Variants in FGF12 observed in about 807,000 individuals in gnomAD.
FGF12 encodes the protein fibroblast growth factor 12B.
FGF12 carries 14 observed loss-of-function variants against 23.6 expected under a neutral mutation model. The observed-to-expected ratio is 0.59, with a 90% CI of 0.39 to 0.93. The LOEUF (loss-of-function observed/expected upper bound fraction) is 0.93. Among genes scored for constraint, FGF12 ranks in the 40% least tolerant of loss-of-function variants. The probability of loss-of-function intolerance (pLI) is 0.00; values close to 1 mark genes in which losing one functional copy is unlikely to be tolerated. For missense variants in FGF12, 175 were observed against 217.8 expected (o/e 0.80, Z 1.24); for synonymous variants, 62 against 77.3 (o/e 0.80, Z 1.04).
At position 192,344,385 on chromosome 3, in the gene FGF12, T is replaced by C. The variant is rs141521111; in HGVS notation, c.125-8921A>G. On this transcript the variant is annotated intron_variant, in intron 3 of 5. Transcript: ENST00000445105. ...GAGAAAAAAAAAAGCATGTATTCCA[T>C]CTTCTATTATTGAAGTTCCCATAAG... Among the ~76,000 whole-genome samples the C allele has an allele frequency of 9.9e-5, 15 of 152,262 alleles. No homozygotes were observed. In the East Asian group the frequency reaches 2.9e-3, roughly 29 times the overall value.
chr3:192,305,677 A>ACT (rs1273411210), intron 4 of FGF12, among the ~76,000 whole-genome samples: 44 of 111,928 alleles, frequency 3.9e-4, no homozygotes, highest in African/African-American at 1.5e-3. Context: ...AAAAAAAAAA[A>ACT]AAATATATAT....
At chr3:192,554,830 C>T (rs912216043) in intron 2 of FGF12, among the ~76,000 whole-genome samples, 5 of 150,548 alleles carry the variant, frequency 3.3e-5, no homozygotes, top group African/African-American at 4.9e-5. Context: ...AGAATATCAA[C>T]AAAAATAAAA....
At chr3:192,430,276 C>T (rs1314510652) in intron 2 of FGF12, among the ~76,000 whole-genome samples, 1 of 151,960 alleles carries the variant, frequency 6.6e-6, no homozygotes, top group Non-Finnish European at 1.5e-5. Context: ...AAAAGGCAAA[C>T]ACTGTATTAT....
intron 4 of FGF12, 51 bp downstream of exon 4, chr3:192,335,310 T>C: frequency 8.4e-7 from 1 of 1,195,536 alleles, no homozygotes; most frequent in Non-Finnish European, 1.2e-6. Context: ...CCATTACCTC[T>C]CAGTGGTAGT....
chr3:192,408,700 T>G lies in FGF12; in HGVS notation c.14-48162A>C, dbSNP rs1721071741. 3.0e-6 allele frequency: 3 copies of G among 988,532 alleles called. No homozygotes were observed. The highest frequency in any genetic ancestry group is 6.1e-5 in the Admixed American group (1 of 16,426). 61.2% of individuals were successfully genotyped at this position (988,532 alleles called of 1,614,324 possible). ...CACATACATACATAGAAAACCCGTT[T>G]ACAAAGCAGAGTCTGGACCCAGGCG... On this transcript the variant is annotated intron_variant, in intron 2 of 5. Coordinates refer to ENST00000445105, the MANE Select transcript of FGF12 (RefSeq NM_004113.6). The surrounding 1 kb of genome is among the most constrained non-coding windows in gnomAD (Gnocchi z 7.3).
At chr3:192,348,427 T>C (rs1718062683) in intron 3 of FGF12, among the ~76,000 whole-genome samples, 1 of 152,174 alleles carries the variant, frequency 6.6e-6, no homozygotes, top group Non-Finnish European at 1.5e-5. Context: ...AACCAGGTTA[T>C]TTAAAATCTT....
intron 2 of FGF12, among the ~76,000 whole-genome samples, chr3:192,386,881 C>G (rs1446032013): frequency 6.6e-6 from 1 of 152,188 alleles, no homozygotes; most frequent in Non-Finnish European, 1.5e-5. Context: ...TGAACACTTA[C>G]AATGTTTCAG....
chr3:192,166,656 A>G (rs1715177444), intron 5 of FGF12, among the ~76,000 whole-genome samples: 1 of 152,226 alleles, frequency 6.6e-6, no homozygotes, highest in Non-Finnish European at 1.5e-5. Context: ...CCTACTTCGT[A>G]CAAATGGAAT....
chr3:192,555,089 G>A (rs1711706204), intron 2 of FGF12, among the ~76,000 whole-genome samples: 1 of 152,128 alleles, frequency 6.6e-6, no homozygotes. Context: ...AGAAGATGAG[G>A]AGAAAGAGAA....
At chr3:192,310,497 T>C (rs1288238375) in intron 4 of FGF12, among the ~76,000 whole-genome samples, 3 of 152,156 alleles carry the variant, frequency 2.0e-5, no homozygotes, top group African/African-American at 7.2e-5. Context: ...GAGGAAGTAA[T>C]ATTCTCTCTG....
chr3:192,322,521 CA>C (rs1174626243), intron 4 of FGF12, among the ~76,000 whole-genome samples: 1 of 151,812 alleles, frequency 6.6e-6, no homozygotes, highest in African/African-American at 2.4e-5. Flanking sequence ...CACACACACA[CA>C]CCCCAGAATG....
chr3:192,676,985 A>G (rs1717347117), intron 2 of FGF12, among the ~76,000 whole-genome samples: 1 of 152,186 alleles, frequency 6.6e-6, no homozygotes, highest in African/African-American at 2.4e-5. Flanking sequence ...TAGAAAACGA[A>G]TTCGGTGAGT....
At chr3:192,263,398 A>G (rs191732398) in intron 4 of FGF12, among the ~76,000 whole-genome samples, 5 of 152,186 alleles carry the variant, frequency 3.3e-5, no homozygotes, top group Non-Finnish European at 7.4e-5. Context: ...CCAGAACTAC[A>G]GAAGAATCAG....
chr3:192,315,173 CT>C (rs1716164387), intron 4 of FGF12, among the ~76,000 whole-genome samples: 1 of 152,166 alleles, frequency 6.6e-6, no homozygotes. Flanking sequence ...AGACTGTGGG[CT>C]TGTGGAGCAT....
intron 3 of FGF12, among the ~76,000 whole-genome samples, chr3:192,337,892 C>T (rs961534756): frequency 6.6e-6 from 1 of 152,094 alleles, no homozygotes; most frequent in African/African-American, 2.4e-5. Context: ...TGCTTTAAAG[C>T]TTTAAAATCT....
chr3:192,393,157 C>T (rs1295612168), intron 2 of FGF12, among the ~76,000 whole-genome samples: 4 of 152,172 alleles, frequency 2.6e-5, no homozygotes, highest in African/African-American at 9.7e-5. Context: ...GGTAAGGTGA[C>T]TCATCCAACA....
chr3:192,177,137 G>A (rs1715907505), intron 4 of FGF12, among the ~76,000 whole-genome samples: 1 of 152,154 alleles, frequency 6.6e-6, no homozygotes, highest in South Asian at 2.1e-4. Flanking sequence ...CTAAATTTCT[G>A]ATTTGTCATT....
intron 2 of FGF12, among the ~76,000 whole-genome samples, chr3:192,717,868 C>G (rs1419974036): frequency 6.6e-6 from 1 of 151,952 alleles, no homozygotes; most frequent in East Asian, 1.9e-4. Context: ...TTCTTTTATT[C>G]TTCGCATAAT....
chr3:192,332,040 T>G (rs550704608), intron 4 of FGF12, among the ~76,000 whole-genome samples: 1 of 152,216 alleles, frequency 6.6e-6, no homozygotes, highest in South Asian at 2.1e-4. Context: ...GAGACCAAAT[T>G]TGATATACAC....
Sources: allele counts gnomAD v4.1 joint callset (sites outside exome capture counted in the v4.1 genomes callset), GRCh38; gene constraint gnomAD v4.1.1; non-coding constraint Gnocchi (gnomAD v3.1); transcripts MANE v1.5; gene names NCBI Gene and HGNC (gene_info 2026-07-23, HGNC 2026-07-21).